The following NALF1 variants were observed in gnomAD, a reference collection of about 807,000 sequenced individuals.
The protein encoded by NALF1 is NALCN channel auxiliary factor 1, also known as family with sequence similarity 155 member A.
A neutral mutation model predicts 48.4 loss-of-function variants in NALF1; 3 were observed. The ratio of observed to expected loss-of-function variants is 0.06; its 90% CI spans 0.03 to 0.16. The LOEUF is 0.16. NALF1 is among the 10% of genes least tolerant of loss of function. NALF1 has a pLI of 1.00. For missense variants in NALF1, 526 were observed against 571.5 expected (o/e 0.92, Z 0.81); for synonymous variants, 262 against 245.7 (o/e 1.07, Z -0.62).
At chr13:107,608,712 T>A in intron 1 of NALF1, among the ~76,000 whole-genome samples, 1 of 152,170 alleles carries the variant, frequency 6.6e-6, no homozygotes, top group East Asian at 1.9e-4. Context: ...AAAAAACATA[T>A]GATTGTGTTG....
At chr13:107,819,060 A>G (rs73587773) in intron 1 of NALF1, among the ~76,000 whole-genome samples, 5,007 of 152,204 alleles carry the variant, frequency 0.033, 320 homozygotes, top group African/African-American at 0.12. Context: ...AAGCTCTTAC[A>G]GATGCATACT....
At chr13:107,670,177 T>C (rs1454480004) in intron 1 of NALF1, among the ~76,000 whole-genome samples, 1 of 152,130 alleles carries the variant, frequency 6.6e-6, no homozygotes, top group Non-Finnish European at 1.5e-5. Context: ...GAATTCATTA[T>C]ACAGAAGAAT....
chr13:107,708,303 C>T (rs1365291970), intron 1 of NALF1, among the ~76,000 whole-genome samples: 1 of 152,102 alleles, frequency 6.6e-6, no homozygotes, highest in African/African-American at 2.4e-5. Context: ...CATAATTATA[C>T]TTATGGATGC....
intron 1 of NALF1, among the ~76,000 whole-genome samples, chr13:107,355,406 CA>C (rs1212518220): frequency 6.6e-6 from 1 of 152,114 alleles, no homozygotes. Context: ...CTAATTTTGG[CA>C]AAATGATGAC....
chr13:107,431,312 T>C (rs1185665507), intron 1 of NALF1, among the ~76,000 whole-genome samples: 2 of 152,192 alleles, frequency 1.3e-5, no homozygotes, highest in Admixed American at 1.3e-4. Context: ...TGAGTGGGTC[T>C]CTCCGTTTGC....
intron 1 of NALF1, among the ~76,000 whole-genome samples, chr13:107,818,735 G>C (rs971823075): frequency 4.1e-5 from 6 of 146,582 alleles, no homozygotes; most frequent in Non-Finnish European, 8.9e-5. Context: ...AGCCGGGCGT[G>C]GTAGCGGGCG....
At chr13:107,709,321 G>C (rs1875498825) in intron 1 of NALF1, among the ~76,000 whole-genome samples, 1 of 152,172 alleles carries the variant, frequency 6.6e-6, no homozygotes, top group African/African-American at 2.4e-5. Context: ...AGGAGATGGG[G>C]CATGGGCATT....
intron 1 of NALF1, among the ~76,000 whole-genome samples, chr13:107,249,578 G>T (rs957255669): frequency 1.3e-5 from 2 of 152,042 alleles, no homozygotes; most frequent in African/African-American, 2.4e-5. Flanking sequence ...CCACCCTGAA[G>T]GGTGGCAAAC....
chr13:107,198,447 A>G (rs544934807), intron 2 of NALF1, among the ~76,000 whole-genome samples: 1 of 152,322 alleles, frequency 6.6e-6, no homozygotes, highest in South Asian at 2.1e-4. Context: ...CGTAATTATC[A>G]TCCTCTAAAT....
At chr13:107,184,079 G>A (rs1316430195) in intron 2 of NALF1, among the ~76,000 whole-genome samples, 1 of 151,070 alleles carries the variant, frequency 6.6e-6, no homozygotes, top group Non-Finnish European at 1.5e-5. Flanking sequence ...TCAGGTTCAA[G>A]GTTCAGGTGG....
At chr13:107,661,841 G>T (rs1306586843) in intron 1 of NALF1, among the ~76,000 whole-genome samples, 2 of 151,996 alleles carry the variant, frequency 1.3e-5, no homozygotes, top group Non-Finnish European at 2.9e-5. Flanking sequence ...CTTAACACCT[G>T]CTATAGCTCT....
intron 1 of NALF1, among the ~76,000 whole-genome samples, chr13:107,478,887 A>C (rs1212331884): frequency 1.3e-5 from 2 of 152,132 alleles, no homozygotes. Flanking sequence ...AAATATGTGG[A>C]ATGTTTAGAA....
Position 107,163,570 on chromosome 13 carries a change from T to C in NALF1, c.*6927A>G, listed in dbSNP as rs1407343584. The stretch of plus-strand genomic sequence containing the variant: ...ATTTTAATAATTTTAGAAGTTGAAA[T>C]TTAAGATCCAAGGCATTTCTTTAGC... On this transcript the variant is annotated 3_prime_UTR_variant, in exon 3 of 3. Transcript: ENST00000375915. 6.6e-6 allele frequency: 1 copy of C among 152,210 alleles called. No homozygotes were observed. Among genetic ancestry groups the C allele is most frequent in the Non-Finnish European group, 1.5e-5 (1 of 68,038 alleles). The allele number at this position is 152,210 out of a possible 1,614,324, so 9.4% of individuals were successfully genotyped here.
chr13:107,333,834 T>C (rs1232644592), intron 1 of NALF1, among the ~76,000 whole-genome samples: 1 of 152,238 alleles, frequency 6.6e-6, no homozygotes, highest in Non-Finnish European at 1.5e-5. Flanking sequence ...GTAGATGGAA[T>C]CATTTCTGTT....
At chr13:107,308,961 A>G (rs1444441039) in intron 1 of NALF1, among the ~76,000 whole-genome samples, 1 of 152,160 alleles carries the variant, frequency 6.6e-6, no homozygotes, top group Non-Finnish European at 1.5e-5. Context: ...TGAGGTGTTG[A>G]GTTTATTTGA....
chr13:107,534,629 T>C (rs1876747574), intron 1 of NALF1, among the ~76,000 whole-genome samples: 2 of 152,264 alleles, frequency 1.3e-5, no homozygotes, highest in Admixed American at 6.5e-5. Flanking sequence ...CAGTATTTCC[T>C]ACATTTTAGC....
chr13:107,217,332 C>T (rs966908284), intron 1 of NALF1, among the ~76,000 whole-genome samples: 3 of 152,106 alleles, frequency 2.0e-5, no homozygotes, highest in Non-Finnish European at 4.4e-5. Context: ...CCTCTTAGTC[C>T]TCTGCCCCTC....
chr13:107,777,311 G>A (rs1429316181), intron 1 of NALF1, among the ~76,000 whole-genome samples: 2 of 152,152 alleles, frequency 1.3e-5, no homozygotes, highest in African/African-American at 4.8e-5. Context: ...CCAGAAGTCT[G>A]CCTCTTGAGC....
At chr13:107,717,559 G>C (rs1875858525) in intron 1 of NALF1, among the ~76,000 whole-genome samples, 1 of 151,360 alleles carries the variant, frequency 6.6e-6, no homozygotes, top group Non-Finnish European at 1.5e-5. Context: ...GAGATGTTAG[G>C]TAAAAAGCTA....
Sources: gnomAD v4.1 joint callset for allele counts (sites outside exome capture counted in the v4.1 genomes callset) on GRCh38, gnomAD v4.1.1 for gene constraint, MANE v1.5 for transcripts, NCBI Gene and HGNC (gene_info 2026-07-23, HGNC 2026-07-21) for gene names.